The following GULP1 variants were observed in gnomAD, a reference collection of about 807,000 sequenced individuals.
The protein encoded by GULP1 is PTB domain-containing engulfment adapter protein 1.
Under a neutral mutation model 40.9 loss-of-function variants are expected in GULP1, and 19 were observed. That is an observed-to-expected ratio of 0.46 (90% confidence interval 0.32 to 0.68). The LOEUF is 0.68. Ranked by LOEUF, GULP1 falls within the 30% of genes least tolerant of loss-of-function variation. The pLI is 0.03. For synonymous variants in GULP1, 119 were observed against 117.6 expected, an observed-to-expected ratio of 1.01 and a Z score of -0.08; for missense variants, 312 against 362.2, an observed-to-expected ratio of 0.86 and a Z score of 1.12.
chr2:188,378,294 A>G (rs2048558887), intron 1 of GULP1, among the ~76,000 whole-genome samples: 1 of 150,072 alleles, frequency 6.7e-6, no homozygotes. Flanking sequence ...AAAAAAAAAA[A>G]GAAAAAATCT....
At chr2:188,330,687 T>A (rs555086125) in intron 1 of GULP1, among the ~76,000 whole-genome samples, 3 of 152,222 alleles carry the variant, frequency 2.0e-5, no homozygotes, top group Non-Finnish European at 4.4e-5. Context: ...AGACTAGGAG[T>A]CAGAAGTGTG....
Position 188,364,116 on chromosome 2 carries a change from G to A in GULP1, c.-171-19647G>A, listed in dbSNP as rs148422907. On this transcript the variant is annotated intron_variant, in intron 1 of 11. Transcript: ENST00000409830. ...GTGCTTCTCAGGAGAATCATTTGCT[G>A]TAGGTAAATAATTAAATAAATCCTT... Among the ~76,000 whole-genome samples, 642 of 152,258 alleles carry A rather than the reference G, an allele frequency of 4.2e-3. 1 individual carries two copies. Among genetic ancestry groups the A allele is most frequent in the Non-Finnish European group, 6.2e-3 (421 of 68,022 alleles).
At chr2:188,321,090 A>G (rs899362325) in intron 1 of GULP1, among the ~76,000 whole-genome samples, 1 of 152,134 alleles carries the variant, frequency 6.6e-6, no homozygotes, top group African/African-American at 2.4e-5. Flanking sequence ...TTTCTACTAT[A>G]GGCTATTTTA....
chr2:188,366,177 A>G (rs2046756774), intron 1 of GULP1, among the ~76,000 whole-genome samples: 1 of 152,154 alleles, frequency 6.6e-6, no homozygotes, highest in Non-Finnish European at 1.5e-5. Context: ...GTAAAGGAGG[A>G]AAGGAAACTC....
At chr2:188,458,462 G>T (rs1447752674) in intron 2 of GULP1, among the ~76,000 whole-genome samples, 3 of 151,932 alleles carry the variant, frequency 2.0e-5, no homozygotes, top group African/African-American at 7.3e-5. Context: ...AACCAGTCAG[G>T]CTCTTCTAGC....
chr2:188,392,422 G>T (rs570021549), intron 2 of GULP1, among the ~76,000 whole-genome samples: 1 of 151,894 alleles, frequency 6.6e-6, no homozygotes, highest in South Asian at 2.1e-4. Flanking sequence ...ATGATCTTTT[G>T]TATTTCAGTG....
At chr2:188,350,460 A>G (rs1168390100) in intron 1 of GULP1, among the ~76,000 whole-genome samples, 2 of 152,036 alleles carry the variant, frequency 1.3e-5, no homozygotes, top group African/African-American at 4.8e-5. Context: ...TATAAATGGA[A>G]TGGTTTCCTT....
intron 7 of GULP1, among the ~76,000 whole-genome samples, chr2:188,552,918 TAC>T (rs1479308145): frequency 3.5e-5 from 5 of 144,372 alleles, no homozygotes; most frequent in Admixed American, 6.9e-5. Flanking sequence ...TCTATATATA[TAC>T]GTATATATAT....
rs778687942 is a variant in GULP1 at position 188,450,498 on chromosome 2, A to C, written c.-44-27161A>C. On this transcript the variant is annotated intron_variant, in intron 2 of 11. Coordinates refer to ENST00000409830, the MANE Select transcript of GULP1 (RefSeq NM_016315.4). ...GTGCACATTTTTAAGTGACTTCTTC[A>C]GTATTAAAAAAGTAGTGTTTTTCTA... 2.3e-4 allele frequency among the ~76,000 whole-genome samples: 35 copies of C among 152,252 alleles called. 1 individual carries two copies. Among genetic ancestry groups the C allele is most frequent in the East Asian group, 5.8e-4 (3 of 5,188 alleles).
chr2:188,487,567 CATA>C (rs1238561000), intron 4 of GULP1, among the ~76,000 whole-genome samples: 1 of 151,904 alleles, frequency 6.6e-6, no homozygotes, highest in African/African-American at 2.4e-5. Context: ...AAGAAAAGTA[CATA>C]ATGATAACCA....
intron 2 of GULP1, among the ~76,000 whole-genome samples, chr2:188,450,613 T>C (rs6723034): frequency 0.13 from 20,281 of 152,122 alleles, 1,780 homozygotes; most frequent in South Asian, 0.23. Flanking sequence ...GTGCACTCAG[T>C]GGGCCACGAT....
rs768289502 is a variant in GULP1 at position 188,443,685 on chromosome 2, C to CTTT, written c.-44-33972_-44-33970dup. 2.7e-4 allele frequency among the ~76,000 whole-genome samples: 40 copies of CTTT among 147,182 alleles called. 1 individual carries two copies. In the East Asian group the frequency reaches 5.8e-3, roughly 21 times the overall value. On this transcript the variant is annotated intron_variant, in intron 2 of 11. Coordinates refer to ENST00000409830, the MANE Select transcript of GULP1 (RefSeq NM_016315.4). ...TAGCTTAAACTGAAAAAATGAATTT[C>CTTT]TTTTCTTTTTTTTTTTTTTGAGACA...
chr2:188,511,952 A>G (rs958250739), intron 4 of GULP1, among the ~76,000 whole-genome samples: 3 of 152,068 alleles, frequency 2.0e-5, no homozygotes, highest in Non-Finnish European at 4.4e-5. Context: ...TTTCAGGATT[A>G]TAGTTTTGAT....
chr2:188,495,763 G>A (rs2062838168), intron 4 of GULP1, among the ~76,000 whole-genome samples: 1 of 151,920 alleles, frequency 6.6e-6, no homozygotes, highest in Non-Finnish European at 1.5e-5. Flanking sequence ...CATGGTTGGT[G>A]CTCATTAAAT....
At chr2:188,316,028 T>C (rs535308586) in intron 1 of GULP1, among the ~76,000 whole-genome samples, 10 of 152,082 alleles carry the variant, frequency 6.6e-5, no homozygotes, top group Non-Finnish European at 1.3e-4. Flanking sequence ...GAAATAGTTG[T>C]AATGATGGCG....
chr2:188,533,838 C>T (rs1196115553), intron 6 of GULP1, among the ~76,000 whole-genome samples: 1 of 152,022 alleles, frequency 6.6e-6, no homozygotes, highest in South Asian at 2.1e-4. Flanking sequence ...GGAACAGGCC[C>T]TTCTCAAAAG....
chr2:188,334,469 T>C (rs1285191185), intron 1 of GULP1, among the ~76,000 whole-genome samples: 1 of 152,138 alleles, frequency 6.6e-6, no homozygotes, highest in Non-Finnish European at 1.5e-5. Flanking sequence ...CTATAGCAGA[T>C]AAATTTGATT....
At chr2:188,338,303 G>A (rs2042537293) in intron 1 of GULP1, among the ~76,000 whole-genome samples, 1 of 144,482 alleles carries the variant, frequency 6.9e-6, no homozygotes, top group African/African-American at 2.6e-5. Flanking sequence ...TTTTGAGTCA[G>A]AGTCTCACTC....
intron 2 of GULP1, 141 bp from the exon 3 acceptor site, chr2:188,477,518 A>G (rs1453584500): frequency 1.1e-4 from 55 of 497,466 alleles, no homozygotes; most frequent in Non-Finnish European, 7.1e-5. Flanking sequence ...TTCTTACCCA[A>G]TGTCCTTTGA....
Sources: allele counts gnomAD v4.1 joint callset (sites outside exome capture counted in the v4.1 genomes callset), GRCh38; gene constraint gnomAD v4.1.1; transcripts MANE v1.5; gene names NCBI Gene and HGNC (gene_info 2026-07-23, HGNC 2026-07-21).